Variants in ARID1B observed in about 807,000 individuals in gnomAD.
ARID1B encodes the protein AT-rich interaction domain 1B.
In ARID1B, 30 loss-of-function variants were observed where a neutral mutation model predicts 212.3. The ratio of observed to expected loss-of-function variants is 0.14; its 90% CI spans 0.11 to 0.19. The LOEUF (loss-of-function observed/expected upper bound fraction) is 0.19, where lower values mean the gene tolerates loss of function less well. Among genes scored for constraint, ARID1B ranks in the 10% least tolerant of loss-of-function variants. The pLI, the probability that ARID1B is intolerant of heterozygous loss-of-function variation, is 1.00. For missense variants in ARID1B, 2,891 were observed against 3,204.0 expected (o/e 0.90, Z 2.36); for synonymous variants, 1,402 against 1,301.7 (o/e 1.08, Z -1.66).
At chr6:157,018,786 TCA>T (rs1255336882) in intron 4 of ARID1B, among the ~76,000 whole-genome samples, 2 of 152,280 alleles carry the variant, frequency 1.3e-5, no homozygotes, top group East Asian at 3.9e-4. Flanking sequence ...GACCTTGCCT[TCA>T]TAGAGGTTAA....
chr6:157,181,994 T>A (rs376483839), intron 12 of ARID1B, among the ~76,000 whole-genome samples: 16 of 152,284 alleles, frequency 1.1e-4, no homozygotes, highest in African/African-American at 3.9e-4. Context: ...ACACCTGTAA[T>A]CCCAGCACTT....
chr6:157,078,765 T>C (rs1174763965), intron 4 of ARID1B, among the ~76,000 whole-genome samples: 5 of 152,234 alleles, frequency 3.3e-5, no homozygotes, highest in African/African-American at 1.2e-4. Context: ...TAAAATGGTA[T>C]GCCTAACTCA....
intron 15 of ARID1B, among the ~76,000 whole-genome samples, chr6:157,192,206 G>T (rs1288977360): frequency 2.0e-5 from 3 of 152,102 alleles, no homozygotes; most frequent in Non-Finnish European, 2.9e-5. Context: ...AGAACATTTC[G>T]TTAGTGCTTT....
chr6:157,207,691 C>T lies in ARID1B; in HGVS notation c.6919C>T (p.Pro2307Ser), dbSNP rs1384009739. 2 of 1,608,978 alleles carry T rather than the reference C, an allele frequency of 1.2e-6. No homozygotes were observed. The highest frequency in any genetic ancestry group is 1.7e-6 in the Non-Finnish European group (2 of 1,175,694). ...CCAGCACAACCTCATGCACATGCAG[C>T]CCCCGCCCCTGGAACCACCTAGCGT... ...QSQHNLMHMQ[P>S]PPLEPPSVDM... Residue 2307 changes from proline (P) to serine (S), a missense_variant, in exon 20 of 20, where the codon CCC (proline) becomes TCC (serine). Transcript: ENST00000636930. This position sits in a 1 kb window ranked among gnomAD's most constrained non-coding sequence, Gnocchi z 8.5.
intron 3 of ARID1B, among the ~76,000 whole-genome samples, chr6:156,928,839 A>G (rs890859707): frequency 2.6e-5 from 4 of 152,212 alleles, no homozygotes; most frequent in African/African-American, 9.6e-5. Flanking sequence ...TGTTACTGGA[A>G]TTGATGTTTT....
At chr6:156,852,315 T>C (rs115136079) in intron 2 of ARID1B, among the ~76,000 whole-genome samples, 1,708 of 151,960 alleles carry the variant, frequency 0.011, 31 homozygotes, top group African/African-American at 0.039. Context: ...CAGGGCGTGG[T>C]GATGTGCACC....
chr6:156,967,191 G>A (rs2128337541), intron 4 of ARID1B, among the ~76,000 whole-genome samples: 1 of 152,246 alleles, frequency 6.6e-6, no homozygotes, highest in East Asian at 1.9e-4. Context: ...TATTCTTACT[G>A]TCTTTCAAAA....
chr6:156,901,495 C>T lies in ARID1B; in HGVS notation c.2106C>T (p.Ser702=), dbSNP rs761043177. ...HLPPQAQYLP[S]QSQQRYQPQQ... ...CACCCCAGGCGCAGTATCTGCCGTC[C>T]CAGTCCCAGCAGAGGTACCAGCCGC... The change falls in exon 3 of 20, where the codon TCC becomes TCT. Residue 702 remains serine, a synonymous_variant. Coordinates refer to ENST00000636930, the MANE Select transcript of ARID1B (RefSeq NM_001374828.1). The T allele has an allele frequency of 6.2e-7, 1 of 1,613,820 alleles. No individual in the cohort carries two copies. Among genetic ancestry groups the T allele is most frequent in the Non-Finnish European group, 8.5e-7 (1 of 1,179,958 alleles).
At chr6:157,022,067 T>A (rs983686376) in intron 4 of ARID1B, among the ~76,000 whole-genome samples, 1 of 151,864 alleles carries the variant, frequency 6.6e-6, no homozygotes, top group Non-Finnish European at 1.5e-5. Flanking sequence ...TGGCTGACGG[T>A]GGAAAAGCCA....
At chr6:157,081,742 G>T (rs1057158308) in intron 4 of ARID1B, among the ~76,000 whole-genome samples, 3 of 152,164 alleles carry the variant, frequency 2.0e-5, no homozygotes, top group African/African-American at 2.4e-5. Flanking sequence ...GGAGAATGGG[G>T]ATGAAACTTG....
intron 2 of ARID1B, among the ~76,000 whole-genome samples, chr6:156,840,938 T>G (rs1364405981): frequency 1.3e-5 from 2 of 152,220 alleles, no homozygotes; most frequent in African/African-American, 4.8e-5. Context: ...TGAGTTGGAT[T>G]TGGTGTACCT....
At chr6:157,062,827 C>A (rs1783435912) in intron 4 of ARID1B, among the ~76,000 whole-genome samples, 2 of 151,666 alleles carry the variant, frequency 1.3e-5, no homozygotes, top group African/African-American at 4.8e-5. Flanking sequence ...CCTCAGCCTC[C>A]CGAGCAGCTG....
chr6:156,924,821 A>T (rs889399023), intron 3 of ARID1B, among the ~76,000 whole-genome samples: 1 of 152,210 alleles, frequency 6.6e-6, no homozygotes, highest in African/African-American at 2.4e-5. Context: ...CTTTTTCCCT[A>T]CAAAAAGTAT....
intron 8 of ARID1B, chr6:157,149,166 G>C: frequency 1.7e-6 from 1 of 583,448 alleles, no homozygotes; most frequent in East Asian, 2.9e-5. Context: ...GAAGGAATGT[G>C]AGCGGTGAGC....
intron 3 of ARID1B, among the ~76,000 whole-genome samples, chr6:156,931,360 C>T (rs563049982): frequency 1.3e-5 from 2 of 152,144 alleles, no homozygotes; most frequent in Non-Finnish European, 2.9e-5. Flanking sequence ...CAGAAGCACT[C>T]CTGCTCCTGG....
chr6:156,912,078 G>T (rs1582932144), intron 3 of ARID1B, among the ~76,000 whole-genome samples: 2 of 152,080 alleles, frequency 1.3e-5, no homozygotes, highest in South Asian at 2.1e-4. Flanking sequence ...ACATAAACAT[G>T]TAATGCATAT....
intron 6 of ARID1B, among the ~76,000 whole-genome samples, chr6:157,111,461 C>T (rs766465582): frequency 4.9e-4 from 74 of 152,136 alleles, no homozygotes; most frequent in Non-Finnish European, 5.0e-4. Context: ...CCACAACAAA[C>T]GAGAGAGATA....
chr6:156,835,940 A>T (rs1783481613), intron 2 of ARID1B, among the ~76,000 whole-genome samples: 1 of 152,114 alleles, frequency 6.6e-6, no homozygotes, highest in Admixed American at 6.5e-5. Flanking sequence ...ACGTCTCACC[A>T]TGTTGCCCAG....
chr6:157,144,895 AAAC>A (rs916205453), intron 7 of ARID1B, among the ~76,000 whole-genome samples: 45 of 152,344 alleles, frequency 3.0e-4, no homozygotes, highest in African/African-American at 8.2e-4. Flanking sequence ...TTTAACTTGA[AAAC>A]AAAGTTTTGA....
Sources: allele counts gnomAD v4.1 joint callset (sites outside exome capture counted in the v4.1 genomes callset), GRCh38; gene constraint gnomAD v4.1.1; non-coding constraint Gnocchi (gnomAD v3.1); transcripts MANE v1.5; gene names NCBI Gene and HGNC (gene_info 2026-07-23, HGNC 2026-07-21).